The following CD8B2 variants were observed in gnomAD, a reference collection of about 807,000 sequenced individuals.
CD8B2 encodes CD8B family member 2, also known as T-cell surface glycoprotein CD8 beta-2 chain.
Under a neutral mutation model 23.7 loss-of-function variants are expected in CD8B2, and 11 were observed. That is an observed-to-expected ratio of 0.46 (90% CI 0.29 to 0.77). The LOEUF is 0.77. Ranked by LOEUF, CD8B2 falls within the 30% of genes least tolerant of loss-of-function variation. CD8B2 has a pLI of 0.09. For missense variants in CD8B2, 197 were observed against 270.5 expected, an observed-to-expected ratio of 0.73 and a Z score of 1.91; for synonymous variants, 90 against 109.3, an observed-to-expected ratio of 0.82 and a Z score of 1.10.
At chr2:106,521,567 T>C (rs1452266361) in intron 5 of CD8B2, 1 of 152,234 alleles carries the variant, frequency 6.6e-6, no homozygotes, top group Non-Finnish European at 1.5e-5. Context: ...TCCAATCAGA[T>C]AAATCCCACA....
intron 1 of CD8B2, among the ~76,000 whole-genome samples, chr2:106,489,954 C>T (rs538249965): frequency 1.3e-5 from 2 of 152,158 alleles, no homozygotes; most frequent in Admixed American, 6.5e-5. Context: ...ATGAATAAGC[C>T]CCTGCTTGCC....
At chr2:106,539,599 A>G (rs1680142141) in intron 5 of CD8B2, among the ~76,000 whole-genome samples, 2 of 152,240 alleles carry the variant, frequency 1.3e-5, no homozygotes, top group South Asian at 4.1e-4. Flanking sequence ...GCTTAATTCC[A>G]GCTTACAGGA....
Position 106,496,261 on chromosome 2 carries a change from G to C in CD8B2, c.492G>C (p.Lys164Asn). The change falls in exon 3 of 6, where the codon AAG becomes AAC. Residue 164 changes from lysine to asparagine, a missense_variant and splice_region_variant. This residue lies in a region of CD8B2 where 35 missense variants were observed against 82.9 expected (regional missense o/e 0.42). Transcript: ENST00000643224. Reference protein sequence around the residue: ...VCRLPRPETQKGPLCSPVTLG... With the variant: ...VCRLPRPETQNGPLCSPVTLG... ...GGTTACCCAGGCCAGAGACCCAGAA[G>C]GGTGAGTTCCCTATCCCTCTGCACC... The C allele has an allele frequency of 6.5e-7, 1 of 1,531,472 alleles. No homozygotes were observed. Among genetic ancestry groups the C allele is most frequent in the Non-Finnish European group, 8.8e-7 (1 of 1,136,360 alleles). 94.9% of individuals were successfully genotyped at this position (1,531,472 alleles called of 1,614,324 possible). A position where few individuals can be genotyped will look rare whatever the true frequency, so the allele number is the denominator to read the frequency against.
chr2:106,518,643 C>A (rs1206011418), intron 5 of CD8B2, among the ~76,000 whole-genome samples: 1 of 152,144 alleles, frequency 6.6e-6, no homozygotes, highest in African/African-American at 2.4e-5. Flanking sequence ...TGTCCTCATC[C>A]ATCTATCCAT....
Position 106,509,043 on chromosome 2 carries a change from G to A in CD8B2, c.*2103G>A, listed in dbSNP as rs1266304799. The A allele has an allele frequency of 1.3e-5, 2 of 148,428 alleles. No homozygotes were observed. The highest frequency in any genetic ancestry group is 1.5e-5 in the Non-Finnish European group (1 of 67,190). 9.2% of individuals were successfully genotyped at this position (148,428 alleles called of 1,614,324 possible). On this transcript the variant is annotated 3_prime_UTR_variant, in exon 6 of 6. Transcript: ENST00000643224. ...TAGGTGTTTCTCCTTCATTCAGCAC[G>A]AATTGGCCTTAGATGCCCTGCCCCC...
At chr2:106,487,510 C>CGGG in intron 1 of CD8B2, 41 bp downstream of exon 1, 1 of 1,164,036 alleles carries the variant, frequency 8.6e-7, no homozygotes, top group Non-Finnish European at 1.1e-6. Flanking sequence ...TCTGCGCTCC[C>CGGG]GGGGCCTGAG....
intron 2 of CD8B2, among the ~76,000 whole-genome samples, chr2:106,494,098 C>A (rs1679249504): frequency 6.6e-6 from 1 of 151,920 alleles, no homozygotes; most frequent in Admixed American, 6.6e-5. Flanking sequence ...GATGCCAGCC[C>A]AAAAATGACT....
In CD8B2 at chr2:106,510,445, A is replaced by G. The variant is rs898870971; in HGVS notation, c.*3505A>G. 1 of 152,246 alleles carries G rather than the reference A, an allele frequency of 6.6e-6. No homozygotes were observed. The highest frequency in any genetic ancestry group is 2.4e-5 in the African/African-American group (1 of 41,456). The allele number at this position is 152,246 out of a possible 1,614,324, so 9.4% of individuals were successfully genotyped here. On this transcript the variant is annotated 3_prime_UTR_variant, in exon 6 of 6. Transcript: ENST00000643224. ...TTGGTATTTGGAAGTTTCTTCAGCA[A>G]GCACATGGGATTACAGCTCATGCCT... is the stretch of plus-strand genomic sequence containing the variant.
At chr2:106,543,337 G>A (rs890094145) in intron 5 of CD8B2, 5 of 151,978 alleles carry the variant, frequency 3.3e-5, no homozygotes, top group East Asian at 1.9e-4. Flanking sequence ...GACCAGCCTG[G>A]GCAATATAAT....
chr2:106,532,471 G>A (rs991774316), intron 5 of CD8B2, among the ~76,000 whole-genome samples: 4 of 152,210 alleles, frequency 2.6e-5, no homozygotes, highest in African/African-American at 4.8e-5. Context: ...AGTCCATATA[G>A]TAAAGTGAAA....
Position 106,496,555 on chromosome 2 carries a change from C to A in CD8B2, c.493+293C>A, listed in dbSNP as rs189212855. Among the ~76,000 whole-genome samples, 291 of 152,330 alleles carry A rather than the reference C, an allele frequency of 1.9e-3. 1 individual carries two copies. The highest frequency in any genetic ancestry group is 6.7e-3 in the African/African-American group (278 of 41,564). ...CATACTAGCCAAAAGCAGAAACTACCCAAACATCCACCAGCTAATGAGTTG... is the reference window on the plus strand; with the variant it reads ...CATACTAGCCAAAAGCAGAAACTACACAAACATCCACCAGCTAATGAGTTG... On this transcript the variant is annotated intron_variant, in intron 3 of 5. Transcript: ENST00000643224.
intron 5 of CD8B2, among the ~76,000 whole-genome samples, chr2:106,523,568 G>A (rs1679861437): frequency 6.6e-6 from 1 of 152,160 alleles, no homozygotes; most frequent in African/African-American, 2.4e-5. Context: ...GCACTGGGGG[G>A]CAATGTTTGG....
intron 5 of CD8B2, among the ~76,000 whole-genome samples, chr2:106,535,949 T>C (rs1457460060): frequency 2.0e-5 from 3 of 151,532 alleles, no homozygotes; most frequent in East Asian, 1.9e-4. Context: ...TTTTCAATAA[T>C]GGTGGAAGGC....
downstream of CD8B2, among the ~76,000 whole-genome samples, chr2:106,512,759 A>T (rs921289698): frequency 6.6e-6 from 1 of 152,140 alleles, no homozygotes; most frequent in Admixed American, 6.5e-5. Context: ...AAGTTTCTTG[A>T]TGCTGGTTCA....
chr2:106,494,250 C>T (rs764960136), intron 2 of CD8B2, among the ~76,000 whole-genome samples: 15 of 151,318 alleles, frequency 9.9e-5, no homozygotes, highest in Non-Finnish European at 1.6e-4. Context: ...CAGGTTCAAA[C>T]GACTCTGCTG....
rs1451371909 is a variant in CD8B2 at position 106,506,519 on chromosome 2, G to C, written c.621-409G>C. On this transcript the variant is annotated intron_variant, in intron 5 of 5. Transcript: ENST00000643224. Reference sequence around the variant, plus strand: ...CCTCTGGTTTTGCTCTCATGATCCAGGCATGGAGAAAATAGCCTGTGGTGC... The same window carrying C: ...CCTCTGGTTTTGCTCTCATGATCCACGCATGGAGAAAATAGCCTGTGGTGC... Among the ~76,000 whole-genome samples the C allele has an allele frequency of 5.9e-5, 9 of 151,440 alleles. No individual in the cohort carries two copies. In the East Asian group the frequency reaches 1.6e-3, roughly 26 times the overall value.
chr2:106,532,818 T>G (rs1680008522), intron 5 of CD8B2, among the ~76,000 whole-genome samples: 1 of 152,182 alleles, frequency 6.6e-6, no homozygotes, highest in Non-Finnish European at 1.5e-5. Flanking sequence ...CTGCAATCTG[T>G]TTTACCAGCA....
intron 5 of CD8B2, among the ~76,000 whole-genome samples, chr2:106,541,927 G>T (rs1680179711): frequency 6.6e-6 from 1 of 152,174 alleles, no homozygotes; most frequent in South Asian, 2.1e-4. Context: ...GCCTCTGCCA[G>T]CCATCCCATT....
At chr2:106,502,294 C>CAAAAAAAAAAAA (rs547491786) in intron 3 of CD8B2, among the ~76,000 whole-genome samples, 180 bp from the exon 4 acceptor site, 14 of 69,490 alleles carry the variant, frequency 2.0e-4, no homozygotes, top group African/African-American at 5.1e-4. Flanking sequence ...GACTCTGTCT[C>CAAAAAAAAAAAA]AAAAAAAAAA....
Sources: gnomAD v4.1 joint callset for allele counts (sites outside exome capture counted in the v4.1 genomes callset) on GRCh38, gnomAD v4.1.1 for gene constraint, gnomAD v4.1.1 regional missense constraint, MANE v1.5 for transcripts, NCBI Gene and HGNC (gene_info 2026-07-23, HGNC 2026-07-21) for gene names.